Variants in OR6C74 observed in about 807,000 individuals in gnomAD.
OR6C74 encodes the protein olfactory receptor family 6 subfamily C member 74, also known as olfactory receptor 6C74.
For synonymous variants in OR6C74, 142 were observed against 134.2 expected (o/e 1.06, Z -0.40); for missense variants, 361 against 362.9 (o/e 0.99, Z 0.04).
rs1273988649 is a variant in OR6C74, at chr12:55,250,344, T to C, written c.*2118T>C. On this transcript the variant is annotated 3_prime_UTR_variant, in exon 2 of 2. Coordinates refer to ENST00000343399, the MANE Select transcript of OR6C74 (RefSeq NM_001005490.2). ...AAATCATTGAATGTATATTAAAAAC[T>C]TTTTCTCCCCTTTTTTAATCCAAAA... Among the ~76,000 whole-genome samples, 2 of 150,602 alleles carry C rather than the reference T, an allele frequency of 1.3e-5. No homozygotes were observed. Among genetic ancestry groups the C allele is most frequent in the Admixed American group, 6.6e-5 (1 of 15,232 alleles).
Position 55,253,845 on chromosome 12 carries a change from T to C in OR6C74, c.*5619T>C, listed in dbSNP as rs1179604845. 1.3e-5 allele frequency among the ~76,000 whole-genome samples: 2 copies of C among 152,090 alleles called. No homozygotes were observed. The highest frequency in any genetic ancestry group is 2.9e-5 in the Non-Finnish European group (2 of 67,956). On this transcript the variant is annotated 3_prime_UTR_variant, in exon 2 of 2. Transcript: ENST00000343399. ...CATGGGTTCTGGTTCTATGAAAGGA[T>C]TGAAGTCTGTAATTGAATAAGGAGC...
rs1954329670 is a variant in OR6C74, at chr12:55,254,366, A to T, written c.*6140A>T. The stretch of plus-strand genomic sequence containing the variant: ...TCCTCTAAGTTTTAGATTTATATTT[A>T]CATATATGAAATACATACACACATA... On this transcript the variant is annotated 3_prime_UTR_variant, in exon 2 of 2. Coordinates refer to ENST00000343399, the MANE Select transcript of OR6C74 (RefSeq NM_001005490.2). 1.3e-5 allele frequency among the ~76,000 whole-genome samples: 2 copies of T among 152,096 alleles called. No individual in the cohort carries two copies. Among genetic ancestry groups the T allele is most frequent in the Admixed American group, 1.3e-4 (2 of 15,258 alleles).
Position 55,254,251 on chromosome 12 carries a change from C to A in OR6C74, c.*6025C>A, listed in dbSNP as rs1954328436. ...CCCTTGTGAATATTTTAATATCTTG[C>A]CAAAAGATTTTCCTCTGGGTATTCT... On this transcript the variant is annotated 3_prime_UTR_variant, in exon 2 of 2. Transcript: ENST00000343399. Among the ~76,000 whole-genome samples, 1 of 151,906 alleles carries A rather than the reference C, an allele frequency of 6.6e-6. No individual in the cohort carries two copies. Among genetic ancestry groups the A allele is most frequent in the African/African-American group, 2.4e-5 (1 of 41,374 alleles).
Position 55,244,628 on chromosome 12 carries a change from C to A in OR6C74, c.-199C>A, listed in dbSNP as rs1292112127. Among the ~76,000 whole-genome samples the A allele has an allele frequency of 6.6e-6, 1 of 152,088 alleles. No individual in the cohort carries two copies. Among genetic ancestry groups the A allele is most frequent in the African/African-American group, 2.4e-5 (1 of 41,448 alleles). On this transcript the variant is annotated 5_prime_UTR_variant, in exon 1 of 2. Transcript: ENST00000343399. The stretch of plus-strand genomic sequence containing the variant: ...GTATTCCTCGTATAGACTAGAAACA[C>A]CTCAGCGTGAACAACAAGCTAGAAA...
Position 55,250,438 on chromosome 12 carries a change from A to AT in OR6C74, c.*2219dup, listed in dbSNP as rs932537760. On this transcript the variant is annotated 3_prime_UTR_variant, in exon 2 of 2. Transcript: ENST00000343399. ...AGACTTAACTACTTAGAATAGATGG[A>AT]TTTTTTTCTATTTCTAGGTTGTTTG... 5.3e-5 allele frequency among the ~76,000 whole-genome samples: 8 copies of AT among 152,078 alleles called. No homozygotes were observed. Among genetic ancestry groups the AT allele is most frequent in the African/African-American group, 1.9e-4 (8 of 41,450 alleles).
rs746551748 is a variant in OR6C74 at position 55,255,667 on chromosome 12, G to T, written c.*7441G>T. On this transcript the variant is annotated 3_prime_UTR_variant, in exon 2 of 2. Transcript: ENST00000343399. ...CCTTTGCAGGGACATGGATGATGCTGGAAACTATCATTCTCAGCAAACTAA... is the reference window on the plus strand; with the variant it reads ...CCTTTGCAGGGACATGGATGATGCTTGAAACTATCATTCTCAGCAAACTAA... Among the ~76,000 whole-genome samples, 1 of 152,204 alleles carries T rather than the reference G, an allele frequency of 6.6e-6. No homozygotes were observed. Among genetic ancestry groups the T allele is most frequent in the African/African-American group, 2.4e-5 (1 of 41,538 alleles).
In OR6C74 at chr12:55,249,605, A is replaced by C. The variant is rs1204981301; in HGVS notation, c.*1379A>C. On this transcript the variant is annotated 3_prime_UTR_variant, in exon 2 of 2. Coordinates refer to ENST00000343399, the MANE Select transcript of OR6C74 (RefSeq NM_001005490.2). ...GGCACTGAGAAGCTGAGAAGATTCA[A>C]ATAGACTTTTCAATAGTGGTCATGT... 6.6e-6 allele frequency among the ~76,000 whole-genome samples: 1 copy of C among 152,150 alleles called. No individual in the cohort carries two copies. The highest frequency in any genetic ancestry group is 2.4e-5 in the African/African-American group (1 of 41,450).
chr12:55,253,548 C>T lies in OR6C74; in HGVS notation c.*5322C>T, dbSNP rs993579928. On this transcript the variant is annotated 3_prime_UTR_variant, in exon 2 of 2. Coordinates refer to ENST00000343399, the MANE Select transcript of OR6C74 (RefSeq NM_001005490.2). ...GACAACTTTGCACATGCACTAGGTTCACTGTAAAACAGACTAGCACATAAT... is the reference window on the plus strand; with the variant it reads ...GACAACTTTGCACATGCACTAGGTTTACTGTAAAACAGACTAGCACATAAT... Among the ~76,000 whole-genome samples the T allele has an allele frequency of 2.6e-5, 4 of 152,066 alleles. No individual in the cohort carries two copies. Among genetic ancestry groups the T allele is most frequent in the Non-Finnish European group, 5.9e-5 (4 of 67,960 alleles).
rs1746095586 is a variant in OR6C74 at position 55,256,141 on chromosome 12, A to C, written c.*7915A>C. On this transcript the variant is annotated 3_prime_UTR_variant, in exon 2 of 2. Transcript: ENST00000343399. ...ACATGATGTGCTTCCCCCTGCAGAGAGCCTACGAACGGACATGCAGTCAGG... is the reference window on the plus strand; with the variant it reads ...ACATGATGTGCTTCCCCCTGCAGAGCGCCTACGAACGGACATGCAGTCAGG... Among the ~76,000 whole-genome samples, 1 of 152,094 alleles carries C rather than the reference A, an allele frequency of 6.6e-6. No individual in the cohort carries two copies. The highest frequency in any genetic ancestry group is 2.4e-5 in the African/African-American group (1 of 41,424).
Position 55,247,650 on chromosome 12 carries a change from T to C in OR6C74, c.363T>C (p.Tyr121=), listed in dbSNP as rs1056439040. 1.9e-6 allele frequency: 3 copies of C among 1,613,880 alleles called. No individual in the cohort carries two copies. Among genetic ancestry groups the C allele is most frequent in the African/African-American group, 1.3e-5 (1 of 74,898 alleles). ...TGGCTGCCATGTCCTATGAGCGCTA[T>C]GTGGCCATCTGCAAACCCCTGCATT... ...FLLAAMSYER[Y]VAICKPLHYT... Residue 121 remains tyrosine, a synonymous_variant, in exon 2 of 2, where the codon TAT becomes TAC. Coordinates refer to ENST00000343399, the MANE Select transcript of OR6C74 (RefSeq NM_001005490.2).
Position 55,253,718 on chromosome 12 carries a change from A to T in OR6C74, c.*5492A>T, listed in dbSNP as rs1361438127. Among the ~76,000 whole-genome samples the T allele has an allele frequency of 6.6e-6, 1 of 152,120 alleles. No individual in the cohort carries two copies. The highest frequency in any genetic ancestry group is 1.5e-5 in the Non-Finnish European group (1 of 67,980). On this transcript the variant is annotated 3_prime_UTR_variant, in exon 2 of 2. Transcript: ENST00000343399. Reference sequence around the variant, plus strand: ...GAAAAATCCATGTTTCATTGATTTCACTGTACGATTTTCTTGGGAAAGGAC... The same window carrying T: ...GAAAAATCCATGTTTCATTGATTTCTCTGTACGATTTTCTTGGGAAAGGAC...
At chr12:55,246,401 T>C (rs61956043) in intron 1 of OR6C74, among the ~76,000 whole-genome samples, 38,091 of 152,060 alleles carry the variant, frequency 0.25, 5,276 homozygotes, top group Middle Eastern at 0.39. Context: ...TCATCCAGGC[T>C]GGAGTGCAGT....
rs1363978798 is a variant in OR6C74 at position 55,255,662 on chromosome 12, A to T, written c.*7436A>T. Among the ~76,000 whole-genome samples, 1 of 152,196 alleles carries T rather than the reference A, an allele frequency of 6.6e-6. No individual in the cohort carries two copies. Among genetic ancestry groups the T allele is most frequent in the African/African-American group, 2.4e-5 (1 of 41,466 alleles). ...CATATCCTTTGCAGGGACATGGATG[A>T]TGCTGGAAACTATCATTCTCAGCAA... On this transcript the variant is annotated 3_prime_UTR_variant, in exon 2 of 2. Transcript: ENST00000343399.
Position 55,255,521 on chromosome 12 carries a change from T to C in OR6C74, c.*7295T>C, listed in dbSNP as rs529572152. Among the ~76,000 whole-genome samples the C allele has an allele frequency of 7.2e-5, 11 of 152,220 alleles. No individual in the cohort carries two copies. In the South Asian group the frequency reaches 2.3e-3, roughly 32 times the overall value. Reference sequence around the variant, plus strand: ...ATGTTTATTGTGGCACTATTAGCAATAGCAAAGACTTGGAACCAACCCAAA... The same window carrying C: ...ATGTTTATTGTGGCACTATTAGCAACAGCAAAGACTTGGAACCAACCCAAA... On this transcript the variant is annotated 3_prime_UTR_variant, in exon 2 of 2. Transcript: ENST00000343399.
In OR6C74 at chr12:55,254,212, G is replaced by T. The variant is rs73322894; in HGVS notation, c.*5986G>T. On this transcript the variant is annotated 3_prime_UTR_variant, in exon 2 of 2. Transcript: ENST00000343399. ...ACCAGTGGTTACAATACTTTTTAAA[G>T]CTGCTAGCAAATACCCTTGTGAATA... 6.4e-3 allele frequency among the ~76,000 whole-genome samples: 976 copies of T among 152,106 alleles called. 11 individuals carry two copies. Among genetic ancestry groups the T allele is most frequent in the African/African-American group, 0.021 (862 of 41,514 alleles).
chr12:55,247,900 C>G lies in OR6C74; in HGVS notation c.613C>G (p.Leu205Val). The change falls in exon 2 of 2, where the codon CTC (leucine) becomes GTC (valine). Residue 205 changes from leucine (L) to valine (V), a missense_variant. By Grantham distance (32) the Leu-to-Val change is conservative. Transcript: ENST00000343399. ...LMMLLSAILT[L>V]LVTLVLVILS... The stretch of plus-strand genomic sequence containing the variant: ...GATGCTTCTCTCAGCCATTTTGACG[C>G]TCCTGGTTACACTGGTATTAGTGAT... 1 of 1,613,912 alleles carries G rather than the reference C, an allele frequency of 6.2e-7. No individual in the cohort carries two copies. Among genetic ancestry groups the G allele is most frequent in the Non-Finnish European group, 8.5e-7 (1 of 1,179,852 alleles).
Position 55,244,696 on chromosome 12 carries a change from A to C in OR6C74, c.-131A>C, listed in dbSNP as rs1220283473. 1.3e-5 allele frequency among the ~76,000 whole-genome samples: 2 copies of C among 150,036 alleles called. No homozygotes were observed. The highest frequency in any genetic ancestry group is 3.0e-5 in the Non-Finnish European group (2 of 67,062). On this transcript the variant is annotated 5_prime_UTR_variant, in exon 1 of 2. Coordinates refer to ENST00000343399, the MANE Select transcript of OR6C74 (RefSeq NM_001005490.2). The stretch of plus-strand genomic sequence containing the variant: ...TTCTCTCTAGATTATATATACACAT[A>C]TATGTATATATAGAAGAGATATGAT...
rs1327125554 is a variant in OR6C74, at chr12:55,250,881, G to A, written c.*2655G>A. On this transcript the variant is annotated 3_prime_UTR_variant, in exon 2 of 2. Coordinates refer to ENST00000343399, the MANE Select transcript of OR6C74 (RefSeq NM_001005490.2). ...CTTTTGTACCAACCTAATATATACTGAGTAAGTATTAAGACAAGCTAGACT... is the reference window on the plus strand; with the variant it reads ...CTTTTGTACCAACCTAATATATACTAAGTAAGTATTAAGACAAGCTAGACT... 1.3e-5 allele frequency among the ~76,000 whole-genome samples: 2 copies of A among 151,946 alleles called. No individual in the cohort carries two copies. The highest frequency in any genetic ancestry group is 6.6e-5 in the Admixed American group (1 of 15,234).
At position 55,256,250 on chromosome 12, in the gene OR6C74, C is replaced by A. The variant is rs1954344178; in HGVS notation, c.*8024C>A. Among the ~76,000 whole-genome samples, 1 of 151,658 alleles carries A rather than the reference C, an allele frequency of 6.6e-6. No individual in the cohort carries two copies. The highest frequency in any genetic ancestry group is 1.5e-5 in the Non-Finnish European group (1 of 67,860). On this transcript the variant is annotated 3_prime_UTR_variant, in exon 2 of 2. Transcript: ENST00000343399. ...ATGGAATGGGACCCTTGTGTAGAGC[C>A]TATAAATGGACGCATTGGGGGGGCA...
Sources: allele counts gnomAD v4.1 joint callset (sites outside exome capture counted in the v4.1 genomes callset), GRCh38; gene constraint gnomAD v4.1.1; transcripts MANE v1.5; gene names NCBI Gene and HGNC (gene_info 2026-07-23, HGNC 2026-07-21).